Variants in EDIL3 observed in about 807,000 individuals in gnomAD.
EDIL3 encodes EGF like and discoidin domains 3.
EDIL3 carries 37 observed loss-of-function variants against 67.4 expected under a neutral mutation model. That is an observed-to-expected ratio of 0.55 (90% confidence interval 0.42 to 0.72). The LOEUF (loss-of-function observed/expected upper bound fraction) is 0.72, where lower values mean the gene tolerates loss of function less well. EDIL3 is among the 30% of genes least tolerant of loss of function. The pLI is 0.00. For missense variants in EDIL3, 527 were observed against 586.3 expected, an observed-to-expected ratio of 0.90 and a Z score of 1.04; for synonymous variants, 195 against 196.3, an observed-to-expected ratio of 0.99 and a Z score of 0.05.
intron 1 of EDIL3, among the ~76,000 whole-genome samples, chr5:84,320,564 C>G (rs1470564969): frequency 6.6e-6 from 1 of 152,074 alleles, no homozygotes; most frequent in Non-Finnish European, 1.5e-5. Flanking sequence ...GACCTGCACA[C>G]TTAATGAAGA....
intron 3 of EDIL3, among the ~76,000 whole-genome samples, chr5:84,192,356 C>T (rs1743608735): frequency 6.6e-6 from 1 of 151,922 alleles, no homozygotes; most frequent in Non-Finnish European, 1.5e-5. Context: ...TTCAGTGTTA[C>T]CTCCCCTGTT....
At chr5:84,241,787 C>T (rs1336017949) in intron 2 of EDIL3, among the ~76,000 whole-genome samples, 1 of 151,270 alleles carries the variant, frequency 6.6e-6, no homozygotes, top group Non-Finnish European at 1.5e-5. Context: ...TAGTCAGAGG[C>T]CTAGATGTTT....
chr5:83,959,719 G>C (rs1744574348), intron 10 of EDIL3, among the ~76,000 whole-genome samples: 1 of 150,612 alleles, frequency 6.6e-6, no homozygotes, highest in Non-Finnish European at 1.5e-5. Flanking sequence ...CTCAATGTTA[G>C]AAAAAATTAA....
At chr5:84,306,412 A>G (rs962585327) in intron 1 of EDIL3, among the ~76,000 whole-genome samples, 1 of 152,254 alleles carries the variant, frequency 6.6e-6, no homozygotes, top group Non-Finnish European at 1.5e-5. Context: ...TAATAATACC[A>G]TACTGGTAAA....
At chr5:84,373,907 A>T (rs1747910453) in intron 1 of EDIL3, among the ~76,000 whole-genome samples, 1 of 152,190 alleles carries the variant, frequency 6.6e-6, no homozygotes, top group Non-Finnish European at 1.5e-5. Flanking sequence ...ACTTAAAAAC[A>T]GAGATGGGAA....
intron 5 of EDIL3, among the ~76,000 whole-genome samples, chr5:84,112,313 C>T (rs190339099): frequency 3.3e-5 from 5 of 151,866 alleles, no homozygotes; most frequent in Non-Finnish European, 5.9e-5. Context: ...GAAAGAGGGG[C>T]GGAGAAGAGG....
intron 1 of EDIL3, among the ~76,000 whole-genome samples, chr5:84,312,588 G>A (rs1164709254): frequency 2.8e-5 from 4 of 145,066 alleles, no homozygotes; most frequent in African/African-American, 1.1e-4. Flanking sequence ...TCCCGGACGG[G>A]GCGGCTGGCC....
chr5:84,093,335 GA>G (rs1747200913), intron 6 of EDIL3, among the ~76,000 whole-genome samples: 1 of 152,090 alleles, frequency 6.6e-6, no homozygotes, highest in Admixed American at 6.5e-5. Flanking sequence ...GGAGGAGAAG[GA>G]AAAGCAAACA....
At chr5:83,943,650 TC>T (rs1744264140) in intron 10 of EDIL3, 82 bp from the exon 11 acceptor site, 1 of 1,494,898 alleles carries the variant, frequency 6.7e-7, no homozygotes. Flanking sequence ...TGGAACATTT[TC>T]CCCAAACATG....
intron 4 of EDIL3, among the ~76,000 whole-genome samples, chr5:84,158,882 A>G (rs985639741): frequency 1.3e-5 from 2 of 152,034 alleles, no homozygotes; most frequent in Non-Finnish European, 2.9e-5. Flanking sequence ...TTGCAGTTCC[A>G]TTCTCGGCAT....
intron 4 of EDIL3, among the ~76,000 whole-genome samples, chr5:84,143,820 A>C (rs1580347677): frequency 6.6e-6 from 1 of 152,172 alleles, no homozygotes; most frequent in Admixed American, 6.6e-5. Context: ...AAAAGAGCAA[A>C]CCACAACAAG....
chr5:84,305,508 C>T (rs1186305732), intron 1 of EDIL3, among the ~76,000 whole-genome samples: 1 of 152,210 alleles, frequency 6.6e-6, no homozygotes, highest in African/African-American at 2.4e-5. Context: ...TTCTCTAAAG[C>T]TCTCAGCAGA....
chr5:83,955,534 C>A (rs1318568599), intron 10 of EDIL3, among the ~76,000 whole-genome samples: 2 of 151,640 alleles, frequency 1.3e-5, no homozygotes, highest in African/African-American at 2.4e-5. Context: ...CAAGAAAAAA[C>A]AATAAGCATG....
chr5:84,073,098 C>T (rs1484393759), intron 6 of EDIL3, among the ~76,000 whole-genome samples: 1 of 152,136 alleles, frequency 6.6e-6, no homozygotes, highest in Admixed American at 6.6e-5. Flanking sequence ...ACAAAAACCA[C>T]ATGATTATCT....
chr5:84,210,994 C>T (rs914496437), intron 3 of EDIL3, among the ~76,000 whole-genome samples: 11 of 152,168 alleles, frequency 7.2e-5, no homozygotes, highest in African/African-American at 2.7e-4. Flanking sequence ...TGGTGCTCCG[C>T]CACCCCGCCC....
At chr5:84,112,281 A>T (rs754440019) in intron 5 of EDIL3, among the ~76,000 whole-genome samples, 1 of 152,176 alleles carries the variant, frequency 6.6e-6, no homozygotes, top group South Asian at 2.1e-4. Flanking sequence ...ACAGTTGTCC[A>T]TGTGAAAAAT....
At chr5:84,140,330 T>C (rs1044607869) in intron 4 of EDIL3, among the ~76,000 whole-genome samples, 9 of 152,168 alleles carry the variant, frequency 5.9e-5, no homozygotes, top group South Asian at 4.1e-4. Context: ...GAAGTTCTCA[T>C]AGCCAGTGTG....
In EDIL3 at chr5:84,117,720, C is replaced by CT. The variant is rs568216427; in HGVS notation, c.470-10891dup. Among the ~76,000 whole-genome samples, 108 of 149,644 alleles carry CT rather than the reference C, an allele frequency of 7.2e-4. No individual in the cohort carries two copies. In the East Asian group the frequency reaches 7.3e-3, roughly 10 times the overall value. On this transcript the variant is annotated intron_variant, in intron 5 of 10. Coordinates refer to ENST00000296591, the MANE Select transcript of EDIL3 (RefSeq NM_005711.5). ...CTTTTAAAGAAAAGAGGACTTAATA[C>CT]TTTTTTTTTCATTTTGGCTTTATAA...
At chr5:84,163,084 A>G (rs139843359) in intron 4 of EDIL3, among the ~76,000 whole-genome samples, 1 of 152,104 alleles carries the variant, frequency 6.6e-6, no homozygotes, top group Non-Finnish European at 1.5e-5. Context: ...TGAGCTTTGT[A>G]TTTGAGAAAG....
Sources: gnomAD v4.1 joint callset for allele counts (sites outside exome capture counted in the v4.1 genomes callset) on GRCh38, gnomAD v4.1.1 for gene constraint, MANE v1.5 for transcripts, NCBI Gene and HGNC (gene_info 2026-07-23, HGNC 2026-07-21) for gene names.